Variants in EEF1D observed in about 807,000 individuals in gnomAD.
EEF1D encodes eukaryotic translation elongation factor 1 delta.
EEF1D carries 47 observed loss-of-function variants against 63.9 expected under a neutral mutation model. The observed-to-expected ratio is 0.74, with a 90% confidence interval of 0.58 to 0.94. EEF1D has a LOEUF of 0.94. Among genes scored for constraint, EEF1D ranks in the 40% least tolerant of loss-of-function variants. EEF1D has a pLI of 0.00. For synonymous variants in EEF1D, 412 were observed against 386.1 expected (o/e 1.07, Z -0.79); for missense variants, 907 against 899.0 (o/e 1.01, Z -0.11).
In EEF1D at chr8:143,580,100, A is replaced by G; in HGVS notation, c.1817T>C (p.Ile606Thr). The G allele has an allele frequency of 6.2e-7, 1 of 1,613,932 alleles. No homozygotes were observed. The highest frequency in any genetic ancestry group is 8.5e-7 in the Non-Finnish European group (1 of 1,179,996). Residue 606 changes from isoleucine (I) to threonine (T), a missense_variant, in exon 9 of 10, where the codon ATC (isoleucine) becomes ACC (threonine). Ile to Thr is a moderately conservative substitution (Grantham distance 89). Coordinates refer to ENST00000618139, the MANE Select transcript of EEF1D (RefSeq NM_001130053.5). ...CACACACTGAATCTGTAGCTTCCGG[A>G]TACCGTAGCCCACGGGCACCAGCTT... ...ASKLVPVGYG[I>T]RKLQIQCVVE... is the part of the protein sequence containing the mutation.
At chr8:143,585,976 G>A in intron 5 of EEF1D, 2 of 472,716 alleles carry the variant, frequency 4.2e-6, no homozygotes, top group East Asian at 3.2e-5. Context: ...CGGCCCCACA[G>A]GAGCGGCCAG....
chr8:143,583,335 A>C (rs1335730567), intron 5 of EEF1D: 2 of 152,268 alleles, frequency 1.3e-5, no homozygotes, highest in East Asian at 3.8e-4. Flanking sequence ...TTATAGCAGC[A>C]AACCAGTCCC....
chr8:143,589,455 G>A lies in EEF1D; in HGVS notation c.627C>T (p.Ala209=). 6.5e-7 allele frequency: 1 copy of A among 1,529,964 alleles called. No individual in the cohort carries two copies. The highest frequency in any genetic ancestry group is 8.8e-7 in the Non-Finnish European group (1 of 1,134,324). The allele number at this position is 1,529,964 out of a possible 1,614,324, so 94.8% of individuals were successfully genotyped here. A position where few individuals can be genotyped will look rare whatever the true frequency, so the allele number is the denominator to read the frequency against. Residue 209 remains alanine, a synonymous_variant, in exon 3 of 10, where the codon GCC becomes GCT. Transcript: ENST00000618139. The stretch of plus-strand genomic sequence containing the variant: ...CATTGACCGGTGGGCTGGGCTGGTG[G>A]GCCAGGTCGGGGACGGCCACCTGCT... The part of the protein sequence containing the change: ...TGQQVAVPDL[A]HQPSPPVNGQ...
Position 143,589,227 on chromosome 8 carries a change from C to G in EEF1D, c.855G>C (p.Gly285=), listed in dbSNP as rs1178650201. 49 of 1,579,254 alleles carry G rather than the reference C, an allele frequency of 3.1e-5. No individual in the cohort carries two copies. The highest frequency in any genetic ancestry group is 4.0e-5 in the Non-Finnish European group (46 of 1,160,782). ...CCCGTCGCAGCCCGGCCCGCTTGTT[C>G]CCTAAGATGTTGCGGCCCCGCCGGT... ...RRDRRGRNIL[G]NKRAGLRRAD... The change falls in exon 3 of 10, where the codon GGG becomes GGC. Residue 285 remains glycine, a synonymous_variant. Coordinates refer to ENST00000618139, the MANE Select transcript of EEF1D (RefSeq NM_001130053.5).
At chr8:143,594,861 G>A (rs940815878) in intron 1 of EEF1D, among the ~76,000 whole-genome samples, 1 of 151,742 alleles carries the variant, frequency 6.6e-6, no homozygotes, top group African/African-American at 2.4e-5. Context: ...CCACCGCACG[G>A]CAGAGCAGCC....
At chr8:143,584,945 T>C (rs1826281606) in intron 5 of EEF1D, among the ~76,000 whole-genome samples, 1 of 152,174 alleles carries the variant, frequency 6.6e-6, no homozygotes, top group South Asian at 2.1e-4. Flanking sequence ...CCAGTTTCAC[T>C]GGTCCACAGA....
In EEF1D at chr8:143,581,078, G is replaced by C. The variant is rs1433585347; in HGVS notation, c.1464C>G (p.His488Gln). Residue 488 changes from histidine to glutamine, a missense_variant, in exon 7 of 10, where the codon CAC becomes CAG. Physicochemically the swap from His to Gln is conservative, Grantham distance 24. Transcript: ENST00000618139. Reference protein sequence around the residue: ...LNVLEKSSPGHRATAPQTQHV... With the variant: ...LNVLEKSSPGQRATAPQTQHV... ...CCTGGGTCTGTGGGGCCGTGGCCCG[G>C]TGGCCAGGCGAGCTCTTCTCCAGCA... 1 of 1,612,106 alleles carries C rather than the reference G, an allele frequency of 6.2e-7. No homozygotes were observed. Among genetic ancestry groups the C allele is most frequent in the African/African-American group, 1.3e-5 (1 of 74,916 alleles).
chr8:143,580,442 TGAGCCGGC>T, intron 8 of EEF1D, 56 bp downstream of exon 8: 1 of 1,560,822 alleles, frequency 6.4e-7, no homozygotes, highest in East Asian at 2.3e-5. Flanking sequence ...GGTCACAGGC[TGAGCCGGC>T]TAGGCGGGCA....
rs777926327 is a variant in EEF1D at position 143,589,091 on chromosome 8, C to A, written c.991G>T (p.Ala331Ser). 3.1e-6 allele frequency: 5 copies of A among 1,609,648 alleles called. No individual in the cohort carries two copies. Among genetic ancestry groups the A allele is most frequent in the South Asian group, 1.1e-5 (1 of 90,730 alleles). ...CAGGCCACCCGCAGGGCCTCGGCAG[C>A]GTGGTGGCGGCACTCGGCGCTGTCG... ...AYDSAECRHH[A>S]AEALRVAWCL... The change falls in exon 3 of 10, where the codon GCT becomes TCT. Residue 331 changes from alanine (A) to serine (S), a missense_variant. Transcript: ENST00000618139.
chr8:143,593,361 G>A (rs1395110928), intron 1 of EEF1D, among the ~76,000 whole-genome samples: 4 of 152,176 alleles, frequency 2.6e-5, no homozygotes, highest in Non-Finnish European at 5.9e-5. Flanking sequence ...TCTCACCAGA[G>A]CCACCTCATA....
chr8:143,583,552 C>T (rs1825956377), intron 5 of EEF1D: 1 of 152,288 alleles, frequency 6.6e-6, no homozygotes, highest in Admixed American at 6.5e-5. Flanking sequence ...GGTCAGGTGC[C>T]TGGGCAAGCC....
intron 2 of EEF1D, among the ~76,000 whole-genome samples, chr8:143,591,644 G>A (rs953396063): frequency 2.0e-5 from 3 of 152,250 alleles, no homozygotes; most frequent in Admixed American, 6.5e-5. Context: ...CTCCGCAGGT[G>A]TGTCTAGTGG....
rs1824993651 is a variant in EEF1D at position 143,579,924 on chromosome 8, C to T, written c.1905+88G>A. 29 of 1,549,490 alleles carry T rather than the reference C, an allele frequency of 1.9e-5. No individual in the cohort carries two copies. The Middle Eastern group carries it at 5.2e-4, about 28-fold the overall frequency. ...CTGAGGTGGGGTTCACTCTGGGACT[C>T]GCTCCCCACTGCCGTGGGGTGGAGT... On this transcript the variant is annotated intron_variant, in intron 9 of 9. Transcript: ENST00000618139.
In EEF1D at chr8:143,586,710, C is replaced by T; in HGVS notation, c.1215+19G>A. On this transcript the variant is annotated intron_variant, in intron 4 of 9. Transcript: ENST00000618139. ...GTCGGGCAGCAGAGCCGCCCAGCCG[C>T]CCCACGTGCAGCTCTCACCTGGCGG... The T allele has an allele frequency of 6.2e-7, 1 of 1,610,400 alleles. No homozygotes were observed. Among genetic ancestry groups the T allele is most frequent in the South Asian group, 1.1e-5 (1 of 91,028 alleles).
chr8:143,588,750 C>T, intron 3 of EEF1D: 1 of 585,732 alleles, frequency 1.7e-6, no homozygotes, highest in Non-Finnish European at 3.0e-6. Flanking sequence ...GTGCTGAGCC[C>T]TTCCCTGCCC....
chr8:143,595,703 T>A (rs989788433), intron 1 of EEF1D, among the ~76,000 whole-genome samples: 1 of 141,936 alleles, frequency 7.0e-6, no homozygotes, highest in African/African-American at 2.5e-5. Flanking sequence ...TAAATGCCAC[T>A]GCAGGCCAGC....
At position 143,589,736 on chromosome 8, in the gene EEF1D, A is replaced by C. The variant is rs1378024037; in HGVS notation, c.346T>G (p.Ser116Ala). The part of the protein sequence containing the change: ...LSAERVWLDK[S>A]LFDQAESSYR... ...GAGCTCTCTGCCTGGTCGAAAAGTG[A>C]CTTGTCCAGCCACACGCGTTCGGCC... The change falls in exon 3 of 10, where the codon TCA becomes GCA. Residue 116 changes from serine to alanine, a missense_variant. Transcript: ENST00000618139. The C allele has an allele frequency of 2.6e-6, 4 of 1,524,320 alleles. No homozygotes were observed. The highest frequency in any genetic ancestry group is 3.5e-6 in the Non-Finnish European group (4 of 1,136,352). 94.4% of individuals were successfully genotyped at this position (1,524,320 alleles called of 1,614,324 possible). A position where few individuals can be genotyped will look rare whatever the true frequency, so the allele number is the denominator to read the frequency against.
intron 7 of EEF1D, 35 bp from the exon 8 acceptor site, chr8:143,580,762 GAC>G (rs1458431522): frequency 1.2e-6 from 2 of 1,607,232 alleles, no homozygotes; most frequent in Non-Finnish European, 1.7e-6. Flanking sequence ...GCACGGCTGA[GAC>G]GCCCCAACCA....
Position 143,579,816 on chromosome 8 carries a change from A to G in EEF1D, c.1920T>C (p.Asp640=). ...TTCAGATCTTGTTGAAAGCTGCGAT[A>G]TCGACACTCTGCACCTGAGGAGAGG... ...TKFEEHVQSV[D]IAAFNKI Residue 640 remains aspartate (D), a synonymous_variant, in exon 10 of 10, where the codon GAT becomes GAC. Coordinates refer to ENST00000618139, the MANE Select transcript of EEF1D (RefSeq NM_001130053.5). The G allele has an allele frequency of 6.4e-7, 1 of 1,566,760 alleles. No homozygotes were observed. Among genetic ancestry groups the G allele is most frequent in the Non-Finnish European group, 8.7e-7 (1 of 1,153,712 alleles).
Sources: allele counts gnomAD v4.1 joint callset (sites outside exome capture counted in the v4.1 genomes callset), GRCh38; gene constraint gnomAD v4.1.1; transcripts MANE v1.5; gene names NCBI Gene and HGNC (gene_info 2026-07-23, HGNC 2026-07-21).